The following MERTK variants were observed in gnomAD, a reference collection of about 807,000 sequenced individuals.
MERTK encodes the protein MER proto-oncogene, tyrosine kinase, also known as tyrosine-protein kinase Mer.
Under a neutral mutation model 99.3 loss-of-function variants are expected in MERTK, and 69 were observed. The ratio of observed to expected loss-of-function variants is 0.70; its 90% confidence interval spans 0.57 to 0.85. The LOEUF is 0.85. MERTK is among the 40% of genes least tolerant of loss of function. MERTK has a pLI of 0.00. For missense variants in MERTK, 1,125 were observed against 1,249.4 expected (o/e 0.90, Z 1.50); for synonymous variants, 426 against 467.6 (o/e 0.91, Z 1.15).
intron 3 of MERTK, among the ~76,000 whole-genome samples, chr2:111,945,616 G>C (rs1684949018): frequency 6.6e-6 from 1 of 152,204 alleles, no homozygotes; most frequent in Non-Finnish European, 1.5e-5. Context: ...GGTCCATGGG[G>C]ATGAAGAGTG....
At chr2:111,919,788 CTTTT>C (rs1160595788) in intron 1 of MERTK, among the ~76,000 whole-genome samples, 34 of 145,032 alleles carry the variant, frequency 2.3e-4, no homozygotes, top group African/African-American at 8.4e-4. Context: ...GATGTTTTTT[CTTTT>C]TCTTTTCTTT....
chr2:111,909,302 A>G (rs1186649757), intron 1 of MERTK, among the ~76,000 whole-genome samples: 1 of 152,166 alleles, frequency 6.6e-6, no homozygotes, highest in East Asian at 1.9e-4. Flanking sequence ...CCCTCATACA[A>G]AGGCTGGAAT....
At position 111,903,820 on chromosome 2, in the gene MERTK, A is replaced by G. The variant is rs201044952; in HGVS notation, c.61+5024A>G. Among the ~76,000 whole-genome samples the G allele has an allele frequency of 5.9e-5, 9 of 152,334 alleles. No individual in the cohort carries two copies. The East Asian group carries it at 1.7e-3, about 29-fold the overall frequency. ...TTCATAGAATTGTTAGGAGGACGTA[A>G]TGAGCTAATGGCAGGTGATATGTGC... On this transcript the variant is annotated intron_variant, in intron 1 of 18. Coordinates refer to ENST00000295408, the MANE Select transcript of MERTK (RefSeq NM_006343.3).
intron 6 of MERTK, among the ~76,000 whole-genome samples, chr2:111,971,458 T>C (rs1676118176): frequency 6.6e-6 from 1 of 152,176 alleles, no homozygotes; most frequent in Non-Finnish European, 1.5e-5. Flanking sequence ...ACACTCTACA[T>C]TTCCCTGTAA....
At chr2:111,955,136 G>A (rs890776588) in intron 4 of MERTK, among the ~76,000 whole-genome samples, 13 of 152,090 alleles carry the variant, frequency 8.5e-5, no homozygotes, top group Admixed American at 3.9e-4. Flanking sequence ...CTTCTACTGA[G>A]GGAATGCTAA....
intron 1 of MERTK, 22 bp downstream of exon 1, chr2:111,898,818 C>T: frequency 6.4e-7 from 1 of 1,574,800 alleles, no homozygotes; most frequent in Non-Finnish European, 8.6e-7. Context: ...CGGCTGGGGG[C>T]CAGGCGAGGG....
chr2:111,927,411 A>G (rs143454288), intron 1 of MERTK, among the ~76,000 whole-genome samples: 1 of 152,250 alleles, frequency 6.6e-6, no homozygotes, highest in East Asian at 1.9e-4. Context: ...ACGATTTCCT[A>G]CTTATATCTC....
At chr2:111,930,238 T>C (rs1185609464) in intron 2 of MERTK, 1 of 152,358 alleles carries the variant, frequency 6.6e-6, no homozygotes, top group Non-Finnish European at 1.5e-5. Flanking sequence ...TTGCTTGAGC[T>C]AGAGAGTTCT....
chr2:112,003,829 C>A, intron 12 of MERTK, 75 bp from the exon 13 acceptor site: 1 of 1,323,990 alleles, frequency 7.6e-7, no homozygotes, highest in Non-Finnish European at 1.1e-6. Flanking sequence ...AAACCAGCAG[C>A]TCTGGCACTG....
chr2:111,982,058 C>T (rs1029188680), intron 7 of MERTK, among the ~76,000 whole-genome samples: 1 of 151,660 alleles, frequency 6.6e-6, no homozygotes, highest in Non-Finnish European at 1.5e-5. Context: ...CATGAAATTT[C>T]CTTTTTTTTT....
intron 10 of MERTK, among the ~76,000 whole-genome samples, chr2:111,998,006 C>A (rs1030598725): frequency 2.0e-5 from 3 of 152,160 alleles, no homozygotes; most frequent in African/African-American, 7.2e-5. Context: ...TGGAGTGGGA[C>A]AGAATGAGTG....
intron 4 of MERTK, among the ~76,000 whole-genome samples, chr2:111,960,675 A>G (rs1039235265): frequency 6.6e-6 from 1 of 151,884 alleles, no homozygotes; most frequent in African/African-American, 2.4e-5. Flanking sequence ...TTTGTTGCCA[A>G]TAAGTTCCCA....
intron 7 of MERTK, among the ~76,000 whole-genome samples, chr2:111,977,375 A>C (rs1196260489): frequency 6.6e-6 from 1 of 152,212 alleles, no homozygotes; most frequent in African/African-American, 2.4e-5. Flanking sequence ...TCAGTACATT[A>C]AAAGAAGTTG....
At chr2:111,967,694 T>C (rs931964131) in intron 5 of MERTK, among the ~76,000 whole-genome samples, 1 of 152,138 alleles carries the variant, frequency 6.6e-6, no homozygotes, top group Non-Finnish European at 1.5e-5. Flanking sequence ...TCTCTTCTGG[T>C]GACAGGGCGC....
intron 1 of MERTK, among the ~76,000 whole-genome samples, chr2:111,926,745 A>G (rs1015393785): frequency 2.0e-5 from 3 of 152,164 alleles, no homozygotes; most frequent in African/African-American, 7.2e-5. Flanking sequence ...AGCAAACAAA[A>G]ACAAAGCCTA....
chr2:111,928,155 A>G (rs1007459423), intron 1 of MERTK, among the ~76,000 whole-genome samples: 2 of 151,562 alleles, frequency 1.3e-5, no homozygotes, highest in Non-Finnish European at 2.9e-5. Flanking sequence ...TAACTTAAGA[A>G]CACTTTTTTT....
chr2:111,944,470 TAAA>T (rs1684921364), intron 2 of MERTK, among the ~76,000 whole-genome samples: 1 of 152,308 alleles, frequency 6.6e-6, no homozygotes, highest in Non-Finnish European at 1.5e-5. Flanking sequence ...AATTAACTCC[TAAA>T]TTATTTATTA....
intron 3 of MERTK, among the ~76,000 whole-genome samples, chr2:111,946,466 C>T (rs1370173447): frequency 6.6e-6 from 1 of 152,156 alleles, no homozygotes; most frequent in African/African-American, 2.4e-5. Flanking sequence ...TTTTGAACAC[C>T]TGCCCCAAAT....
At chr2:111,960,654 A>C (rs943590016) in intron 4 of MERTK, among the ~76,000 whole-genome samples, 1 of 151,882 alleles carries the variant, frequency 6.6e-6, no homozygotes, top group African/African-American at 2.4e-5. Flanking sequence ...ATTTCAAGGT[A>C]TATATATGTT....
Sources: allele counts gnomAD v4.1 joint callset (sites outside exome capture counted in the v4.1 genomes callset), GRCh38; gene constraint gnomAD v4.1.1; transcripts MANE v1.5; gene names NCBI Gene and HGNC (gene_info 2026-07-23, HGNC 2026-07-21).